The following TFEC variants were observed in gnomAD, a reference collection of about 807,000 sequenced individuals.
The protein encoded by TFEC is transcription factor EC, also known as class E basic helix-loop-helix protein 34.
TFEC carries 31 observed loss-of-function variants against 41.6 expected under a neutral mutation model. The ratio of observed to expected loss-of-function variants is 0.74; its 90% CI spans 0.56 to 1.01. TFEC has a LOEUF of 1.01. Among genes scored for constraint, TFEC ranks in the 50% least tolerant of loss-of-function variants. TFEC has a pLI of 0.00. For synonymous variants in TFEC, 143 were observed against 140.6 expected, an observed-to-expected ratio of 1.02 and a Z score of -0.12; for missense variants, 402 against 404.1, an observed-to-expected ratio of 0.99 and a Z score of 0.04.
At chr7:116,050,273 A>G (rs146705424) in intron 3 of TFEC, among the ~76,000 whole-genome samples, 26,257 of 152,124 alleles carry the variant, frequency 0.17, 2,362 homozygotes, top group East Asian at 0.32. Context: ...GGAATCAAAT[A>G]GATGCAATAA....
chr7:116,046,926 C>G (rs1174018751), intron 3 of TFEC, among the ~76,000 whole-genome samples: 1 of 152,090 alleles, frequency 6.6e-6, no homozygotes, highest in African/African-American at 2.4e-5. Flanking sequence ...TATTTAAAAC[C>G]CTCTCAGGGA....
chr7:116,093,484 G>A lies in TFEC; in HGVS notation c.198+17224C>T, dbSNP rs539010710. 3.9e-5 allele frequency among the ~76,000 whole-genome samples: 6 copies of A among 152,196 alleles called. No individual in the cohort carries two copies. In the East Asian group the frequency reaches 5.8e-4, roughly 15 times the overall value. On this transcript the variant is annotated intron_variant, in intron 3 of 8. Coordinates refer to the TFEC transcript ENST00000484212. ...AGGCTTTGACTTCTGAATATTAGAC[G>A]TATATGCTCCACAATTTAATATATG...
At chr7:116,042,087 G>A (rs1014750281) in intron 3 of TFEC, among the ~76,000 whole-genome samples, 9 of 152,048 alleles carry the variant, frequency 5.9e-5, no homozygotes, top group African/African-American at 2.2e-4. Context: ...GGTGAATGTA[G>A]GTGACACAGT....
chr7:116,029,233 C>T (rs1795700201), intron 1 of TFEC, among the ~76,000 whole-genome samples: 2 of 151,770 alleles, frequency 1.3e-5, no homozygotes, highest in South Asian at 4.2e-4. Flanking sequence ...ATATGTATTC[C>T]ATTTGTTTTA....
chr7:116,152,177 G>C (rs1798775584), intron 1 of TFEC, among the ~76,000 whole-genome samples: 1 of 152,030 alleles, frequency 6.6e-6, no homozygotes, highest in African/African-American at 2.4e-5. Context: ...GAAGAACAAG[G>C]ATCATATTTA....
upstream of TFEC, among the ~76,000 whole-genome samples, chr7:116,033,858 C>T (rs1306381112): frequency 6.6e-6 from 1 of 152,140 alleles, no homozygotes; most frequent in African/African-American, 2.4e-5. Context: ...TCTTTGTGCC[C>T]TTTTTGAAAA....
At chr7:115,943,381 A>AT (rs1260466039) in intron 6 of TFEC, among the ~76,000 whole-genome samples, 1 of 151,732 alleles carries the variant, frequency 6.6e-6, no homozygotes, top group African/African-American at 2.4e-5. Context: ...ATTTTGTGTC[A>AT]TTTTTTCTCA....
chr7:116,109,400 A>G (rs1277750245), intron 3 of TFEC, among the ~76,000 whole-genome samples: 2 of 152,238 alleles, frequency 1.3e-5, no homozygotes, highest in Non-Finnish European at 2.9e-5. Flanking sequence ...AAACCCATCA[A>G]AAAGTGGGTG....
intron 3 of TFEC, among the ~76,000 whole-genome samples, chr7:116,086,827 A>C (rs1797213760): frequency 6.6e-6 from 1 of 151,994 alleles, no homozygotes; most frequent in Non-Finnish European, 1.5e-5. Context: ...TAGAATGGAA[A>C]TTGTATAATT....
At chr7:115,966,869 C>T (rs963303506) in intron 3 of TFEC, among the ~76,000 whole-genome samples, 1 of 151,802 alleles carries the variant, frequency 6.6e-6, no homozygotes, top group African/African-American at 2.4e-5. Context: ...TTCAGCACTC[C>T]TCCTCAGGCC....
At chr7:115,987,113 C>T (rs771983694) in intron 1 of TFEC, among the ~76,000 whole-genome samples, 1 of 152,054 alleles carries the variant, frequency 6.6e-6, no homozygotes, top group Non-Finnish European at 1.5e-5. Context: ...CTCTAATTCT[C>T]CCGAAATTAT....
chr7:116,143,131 G>A (rs895930437), intron 1 of TFEC, among the ~76,000 whole-genome samples: 2 of 152,034 alleles, frequency 1.3e-5, no homozygotes, highest in African/African-American at 2.4e-5. Flanking sequence ...TACAACTCTC[G>A]CTAGCTGGAT....
At chr7:116,061,241 G>A (rs1796550117) in intron 3 of TFEC, among the ~76,000 whole-genome samples, 1 of 152,114 alleles carries the variant, frequency 6.6e-6, no homozygotes, top group Non-Finnish European at 1.5e-5. Context: ...TCATAATGAT[G>A]TGGAATTGGT....
intron 1 of TFEC, among the ~76,000 whole-genome samples, chr7:116,126,725 G>C (rs73719114): frequency 0.013 from 1,917 of 152,182 alleles, 41 homozygotes; most frequent in African/African-American, 0.044. Context: ...ACACTCCTTT[G>C]ATCCACCACT....
intron 1 of TFEC, among the ~76,000 whole-genome samples, chr7:116,142,248 A>G (rs1367482635): frequency 1.3e-5 from 2 of 152,086 alleles, no homozygotes; most frequent in Non-Finnish European, 2.9e-5. Context: ...TTTACTATGA[A>G]CTCCTCTGGT....
chr7:115,978,734 T>C (rs140302206), intron 2 of TFEC, among the ~76,000 whole-genome samples: 8 of 152,298 alleles, frequency 5.3e-5, no homozygotes, highest in African/African-American at 1.7e-4. Context: ...ACTAGACTCA[T>C]CTGCTATATT....
intron 1 of TFEC, among the ~76,000 whole-genome samples, chr7:116,149,222 C>A (rs1008935579): frequency 6.6e-6 from 1 of 151,978 alleles, no homozygotes; most frequent in East Asian, 1.9e-4. Context: ...ACAAAAATAA[C>A]CTCCAGCAAA....
intron 3 of TFEC, among the ~76,000 whole-genome samples, chr7:115,960,308 A>T (rs1310883801): frequency 6.6e-6 from 1 of 151,698 alleles, no homozygotes; most frequent in African/African-American, 2.4e-5. Flanking sequence ...TGTCATTCAC[A>T]CATGAGGCCA....
intron 1 of TFEC, chr7:116,117,594 T>A (rs1179844940): frequency 6.6e-6 from 1 of 151,768 alleles, no homozygotes; most frequent in Non-Finnish European, 1.5e-5. Flanking sequence ...GACGTGGAGT[T>A]CTCGAACTGT....
Sources: allele counts gnomAD v4.1 joint callset (sites outside exome capture counted in the v4.1 genomes callset), GRCh38; gene constraint gnomAD v4.1.1; transcripts MANE v1.5; gene names NCBI Gene and HGNC (gene_info 2026-07-23, HGNC 2026-07-21).